Variants in PIGN observed in about 807,000 individuals in gnomAD.
PIGN encodes the protein phosphatidylinositol glycan anchor biosynthesis class N.
Under a neutral mutation model 125.4 loss-of-function variants are expected in PIGN, and 117 were observed. The ratio of observed to expected loss-of-function variants is 0.93; its 90% CI spans 0.80 to 1.09. PIGN has a LOEUF of 1.09. Among genes scored for constraint, PIGN ranks in the 50% least tolerant of loss-of-function variants. The pLI, the probability that PIGN is intolerant of heterozygous loss-of-function variation, is 0.00. For synonymous variants in PIGN, 392 were observed against 377.8 expected (o/e 1.04, Z -0.44); for missense variants, 1,075 against 1,094.9 (o/e 0.98, Z 0.26).
At chr18:62,113,016 A>G in intron 16 of PIGN, 118 bp downstream of exon 16, 1 of 717,742 alleles carries the variant, frequency 1.4e-6, no homozygotes, top group Non-Finnish European at 2.2e-6. Flanking sequence ...AAAGCAAATG[A>G]AAGATAAACA....
chr18:62,143,422 C>T lies in PIGN; in HGVS notation c.923-76G>A, dbSNP rs1319986306. The T allele has an allele frequency of 3.8e-5, 33 of 877,404 alleles. No individual in the cohort carries two copies. The East Asian group carries it at 8.5e-4, about 23-fold the overall frequency. 54.4% of individuals were successfully genotyped at this position (877,404 alleles called of 1,614,324 possible). ...TAAATCATTTGATTTTTAGGAGTGGCCAATACTTATGGAAAACATAGGTGT... is the reference window on the plus strand; with the variant it reads ...TAAATCATTTGATTTTTAGGAGTGGTCAATACTTATGGAAAACATAGGTGT... On this transcript the variant is annotated intron_variant, in intron 10 of 30. Coordinates refer to ENST00000640252, the MANE Select transcript of PIGN (RefSeq NM_176787.5).
intron 16 of PIGN, among the ~76,000 whole-genome samples, chr18:62,111,260 C>T (rs1305025205): frequency 6.6e-6 from 1 of 152,004 alleles, no homozygotes; most frequent in African/African-American, 2.4e-5. Flanking sequence ...AACTAAATAA[C>T]TTACATAAAG....
At chr18:62,125,919 T>G (rs2035518882) in intron 14 of PIGN, among the ~76,000 whole-genome samples, 3 of 152,096 alleles carry the variant, frequency 2.0e-5, no homozygotes, top group Admixed American at 2.0e-4. Flanking sequence ...AAGAATAATT[T>G]GGAAAATCTG....
At chr18:62,020,469 C>T (rs1034013902) in intron 23 of PIGN, among the ~76,000 whole-genome samples, 1 of 150,024 alleles carries the variant, frequency 6.7e-6, no homozygotes, top group African/African-American at 2.5e-5. Context: ...CTTGAAATGA[C>T]AGAGATGATG....
chr18:62,034,641 T>A (rs182214375), intron 23 of PIGN, among the ~76,000 whole-genome samples: 2 of 152,328 alleles, frequency 1.3e-5, no homozygotes, highest in Non-Finnish European at 2.9e-5. Context: ...TGCTGCCTTC[T>A]TGGATTCTGG....
intron 30 of PIGN, chr18:62,072,404 A>AT: frequency 3.8e-6 from 1 of 265,842 alleles, no homozygotes; most frequent in Non-Finnish European, 7.0e-6. Context: ...TTTACACTGA[A>AT]TTTTTTACTA....
chr18:62,107,150 C>T (rs1235393469), intron 17 of PIGN, 65 bp from the exon 18 acceptor site: 1 of 1,007,478 alleles, frequency 9.9e-7, no homozygotes, highest in East Asian at 2.6e-5. Context: ...ACAATACAAA[C>T]TTTGCACAAA....
At chr18:62,069,372 A>C (rs1294164837) in intron 30 of PIGN, 1 of 152,212 alleles carries the variant, frequency 6.6e-6, no homozygotes, top group Admixed American at 6.5e-5. Context: ...TCTCTCATCA[A>C]AACAGTCTCA....
chr18:62,055,776 G>A (rs1452396832), intron 30 of PIGN, among the ~76,000 whole-genome samples: 1 of 151,720 alleles, frequency 6.6e-6, no homozygotes, highest in East Asian at 2.0e-4. Flanking sequence ...AAATCAAGAG[G>A]TGGGCTGCAT....
rs1376888820 is a variant in PIGN, at chr18:62,145,949, T to C, written c.882A>G (p.Gln294=). 9.3e-6 allele frequency: 15 copies of C among 1,608,010 alleles called. No individual in the cohort carries two copies. The highest frequency in any genetic ancestry group is 1.2e-5 in the Non-Finnish European group (14 of 1,175,456). The change falls in exon 10 of 31, where the codon CAA becomes CAG. Residue 294 remains glutamine, a synonymous_variant. Transcript: ENST00000640252. ...CATCAAATTGCTGAGCTGATACTCT[T>C]TGGGGATACTTGATTCCAGCTCCCC... ...VTWGAGIKYP[Q]RVSAQQFDDA...
intron 14 of PIGN, among the ~76,000 whole-genome samples, chr18:62,119,543 G>A (rs2035216850): frequency 6.6e-6 from 1 of 152,124 alleles, no homozygotes. Context: ...GACAGAATCA[G>A]TAGAAAATAC....
chr18:62,103,378 C>G (rs538274839), intron 20 of PIGN, among the ~76,000 whole-genome samples: 7 of 152,090 alleles, frequency 4.6e-5, no homozygotes, highest in Non-Finnish European at 1.5e-5. Flanking sequence ...GCAGGAAAAA[C>G]AGCTCCCTTC....
chr18:62,143,238 T>C (rs1161589727), intron 11 of PIGN, 68 bp downstream of exon 11: 1 of 784,552 alleles, frequency 1.3e-6, no homozygotes, highest in African/African-American at 1.8e-5. Context: ...CTCTTTTTCA[T>C]AGTTTTTGTC....
intron 1 of PIGN, among the ~76,000 whole-genome samples, chr18:62,167,398 G>A (rs62096075): frequency 0.31 from 46,294 of 147,716 alleles, 8,521 homozygotes; most frequent in East Asian, 0.78. Context: ...TTGGGAGGCC[G>A]AGGTGGGTGG....
chr18:62,139,451 G>A (rs1001900387), intron 12 of PIGN, among the ~76,000 whole-genome samples: 1 of 152,198 alleles, frequency 6.6e-6, no homozygotes, highest in Non-Finnish European at 1.5e-5. Flanking sequence ...CATAATAAGA[G>A]TAAGGACTAT....
intron 29 of PIGN, 132 bp downstream of exon 29, chr18:62,074,646 TG>T (rs1417435729): frequency 2.2e-5 from 12 of 542,786 alleles, no homozygotes; most frequent in Non-Finnish European, 1.7e-5. Context: ...CATAATTTAT[TG>T]TGTAAATTAT....
At chr18:62,116,994 A>AT (rs1248162171) in intron 14 of PIGN, among the ~76,000 whole-genome samples, 4 of 152,094 alleles carry the variant, frequency 2.6e-5, no homozygotes. Flanking sequence ...GTTATGTTAT[A>AT]TTATATTGGA....
intron 20 of PIGN, among the ~76,000 whole-genome samples, chr18:62,104,536 A>G (rs1178505533): frequency 6.6e-6 from 1 of 152,180 alleles, no homozygotes; most frequent in Non-Finnish European, 1.5e-5. Context: ...CTAATAAAGT[A>G]TGGCTTAGAT....
intron 14 of PIGN, among the ~76,000 whole-genome samples, chr18:62,114,967 T>C (rs913848209): frequency 3.9e-5 from 6 of 152,202 alleles, no homozygotes; most frequent in Non-Finnish European, 2.9e-5. Context: ...ACCAAACGTA[T>C]GGCATGAGCT....
Sources: gnomAD v4.1 joint callset for allele counts (sites outside exome capture counted in the v4.1 genomes callset) on GRCh38, gnomAD v4.1.1 for gene constraint, MANE v1.5 for transcripts, NCBI Gene and HGNC (gene_info 2026-07-23, HGNC 2026-07-21) for gene names.